ABCG2: variants seen among roughly 807,000 people sequenced by gnomAD.
ABCG2 encodes broad substrate specificity ATP-binding cassette transporter ABCG2.
Under a neutral mutation model 73.5 loss-of-function variants are expected in ABCG2, and 80 were observed. The observed-to-expected ratio is 1.09, with a 90% confidence interval of 0.91 to 1.31. The LOEUF is 1.31. Ranked by LOEUF, ABCG2 falls within the 50% of genes most tolerant of loss-of-function variation. ABCG2 has a pLI of 0.00. For missense variants in ABCG2, 796 were observed against 786.2 expected (o/e 1.01, Z -0.15); for synonymous variants, 269 against 282.4 (o/e 0.95, Z 0.48).
chr4:88,103,006 T>C (rs1309132456), intron 10 of ABCG2, among the ~76,000 whole-genome samples: 1 of 152,150 alleles, frequency 6.6e-6, no homozygotes, highest in African/African-American at 2.4e-5. Context: ...GTTGAACTCC[T>C]GGCCTCAAGC....
intron 1 of ABCG2, among the ~76,000 whole-genome samples, chr4:88,154,994 T>C (rs962889201): frequency 6.6e-6 from 1 of 152,052 alleles, no homozygotes; most frequent in Non-Finnish European, 1.5e-5. Flanking sequence ...TCCTGGTCCT[T>C]GTGTAAGAAT....
chr4:88,185,489 T>G (rs182635375), intron 1 of ABCG2, among the ~76,000 whole-genome samples: 2 of 152,006 alleles, frequency 1.3e-5, no homozygotes, highest in East Asian at 3.9e-4. Context: ...AAAGCAAAAA[T>G]GGATAAATGG....
chr4:88,196,816 G>C (rs1043617215), intron 1 of ABCG2, among the ~76,000 whole-genome samples: 3 of 149,894 alleles, frequency 2.0e-5, no homozygotes, highest in African/African-American at 7.3e-5. Flanking sequence ...CTTTAGCATC[G>C]GACTGCGCAG....
chr4:88,136,324 A>G (rs1210336753), intron 2 of ABCG2, among the ~76,000 whole-genome samples: 1 of 152,188 alleles, frequency 6.6e-6, no homozygotes, highest in Non-Finnish European at 1.5e-5. Context: ...ACATCCCAAT[A>G]GCAATGAGCA....
intron 10 of ABCG2, among the ~76,000 whole-genome samples, chr4:88,102,482 G>A (rs2725266): frequency 0.35 from 52,656 of 151,566 alleles, 10,773 homozygotes; most frequent in Middle Eastern, 0.53. Context: ...TGTAGTCCCA[G>A]CTACTCAGGA....
rs185167001 is a variant in ABCG2, at chr4:88,102,862, T to C, written c.1278-1543A>G. ...ACATTAAAAGAAAAAAAAGAGTCCA[T>C]AGATACCTAAAGAACAAAGATCTAA... On this transcript the variant is annotated intron_variant, in intron 10 of 15. Coordinates refer to ENST00000237612, the MANE Select transcript of ABCG2 (RefSeq NM_004827.3). Among the ~76,000 whole-genome samples, 136 of 152,202 alleles carry C rather than the reference T, an allele frequency of 8.9e-4. 2 individuals are homozygous for C. The highest frequency in any genetic ancestry group is 7.9e-3 in the Admixed American group (121 of 15,290).
intron 1 of ABCG2, among the ~76,000 whole-genome samples, chr4:88,182,851 C>A (rs1491004244): frequency 6.6e-6 from 1 of 151,816 alleles, no homozygotes; most frequent in Non-Finnish European, 1.5e-5. Context: ...TTTGGGAGGC[C>A]AAAGCAGGCA....
intron 1 of ABCG2, among the ~76,000 whole-genome samples, chr4:88,212,702 C>T (rs538023585): frequency 1.2e-4 from 18 of 152,058 alleles, no homozygotes; most frequent in African/African-American, 3.9e-4. Context: ...CCATACCTGC[C>T]GAAATTCCAT....
intron 1 of ABCG2, among the ~76,000 whole-genome samples, chr4:88,169,046 C>T (rs116557695): frequency 5.8e-5 from 8 of 138,858 alleles, no homozygotes; most frequent in South Asian, 2.3e-4. Context: ...AAGTAGTTAT[C>T]TTTTTTTTTT....
chr4:88,158,791 G>A (rs967302161), upstream of ABCG2: 6 of 344,292 alleles, frequency 1.7e-5, no homozygotes, highest in East Asian at 2.9e-4. Context: ...TGGAGGTCAC[G>A]ATGGGAGCCG....
chr4:88,166,996 T>C (rs929367427), intron 1 of ABCG2, among the ~76,000 whole-genome samples: 8 of 152,162 alleles, frequency 5.3e-5, no homozygotes, highest in African/African-American at 1.9e-4. Context: ...ATTTGTTTTC[T>C]ATTGCTTGAG....
chr4:88,146,910 GGAAGGAAGGAAGGAA>G (rs1726045726), intron 1 of ABCG2, among the ~76,000 whole-genome samples: 1 of 138,008 alleles, frequency 7.2e-6, no homozygotes, highest in African/African-American at 2.7e-5. Flanking sequence ...AAGGAAGGAA[GGAAGGAAGGAAGGAA>G]GAAGGAAGGA....
chr4:88,169,725 T>C (rs10011796), intron 1 of ABCG2, among the ~76,000 whole-genome samples: 87,890 of 151,850 alleles, frequency 0.58, 26,132 homozygotes, highest in African/African-American at 0.69. Context: ...TTCCGTTTCT[T>C]CCTCAAGCAG....
chr4:88,137,012 CAATAAAATAA>C (rs56033368), intron 2 of ABCG2, among the ~76,000 whole-genome samples: 11,848 of 123,364 alleles, frequency 0.096, 1,491 homozygotes, highest in African/African-American at 0.28. Flanking sequence ...ACCTCCATCT[CAATAAAATAA>C]AATAAAATAA....
chr4:88,179,318 TC>T (rs1728135497), intron 1 of ABCG2, among the ~76,000 whole-genome samples: 1 of 152,052 alleles, frequency 6.6e-6, no homozygotes, highest in Admixed American at 6.6e-5. Flanking sequence ...CCTCTGTGAG[TC>T]TGCAAGAGCC....
At chr4:88,123,649 A>C (rs1724174813) in intron 5 of ABCG2, among the ~76,000 whole-genome samples, 1 of 152,182 alleles carries the variant, frequency 6.6e-6, no homozygotes, top group Non-Finnish European at 1.5e-5. Context: ...AAAGCCTTCA[A>C]GAAATATGGG....
At chr4:88,142,059 G>GAATGATGAAAATTATT (rs1267178936) in intron 1 of ABCG2, among the ~76,000 whole-genome samples, 1 of 150,498 alleles carries the variant, frequency 6.6e-6, no homozygotes, top group Admixed American at 6.6e-5. Flanking sequence ...TGAAAATTAT[G>GAATGATGAAAATTATT]AATGATGAAA....
intron 9 of ABCG2, among the ~76,000 whole-genome samples, chr4:88,108,754 G>A (rs1295436040): frequency 6.6e-6 from 1 of 152,168 alleles, no homozygotes; most frequent in East Asian, 1.9e-4. Context: ...TAACTAGTTT[G>A]TGAAGAACCT....
intron 9 of ABCG2, among the ~76,000 whole-genome samples, chr4:88,110,232 G>A (rs1353576693): frequency 6.6e-6 from 1 of 152,084 alleles, no homozygotes; most frequent in Non-Finnish European, 1.5e-5. Flanking sequence ...TAAAATGAAA[G>A]TTACCTTTTT....
Sources: gnomAD v4.1 joint callset for allele counts (sites outside exome capture counted in the v4.1 genomes callset) on GRCh38, gnomAD v4.1.1 for gene constraint, MANE v1.5 for transcripts, NCBI Gene and HGNC (gene_info 2026-07-23, HGNC 2026-07-21) for gene names.